The following SCN8A variants were observed in gnomAD, a reference collection of about 807,000 sequenced individuals.
SCN8A encodes the protein sodium channel protein type 8 subunit alpha.
Under a neutral mutation model 184.1 loss-of-function variants are expected in SCN8A, and 30 were observed. The ratio of observed to expected loss-of-function variants is 0.16; its 90% CI spans 0.12 to 0.22. The LOEUF (loss-of-function observed/expected upper bound fraction) is 0.22. SCN8A is among the 10% of genes least tolerant of loss of function. The probability of loss-of-function intolerance (pLI) is 1.00; values close to 1 mark genes in which losing one functional copy is unlikely to be tolerated. For synonymous variants in SCN8A, 852 were observed against 907.0 expected (o/e 0.94, Z 1.09); for missense variants, 1,057 against 2,498.9 (o/e 0.42, Z 12.30).
intron 1 of SCN8A, among the ~76,000 whole-genome samples, chr12:51,601,422 T>C (rs1248447667): frequency 6.6e-6 from 1 of 151,438 alleles, no homozygotes; most frequent in Non-Finnish European, 1.5e-5. Flanking sequence ...ATATGAATGT[T>C]TCACTTACCT....
intron 2 of SCN8A, among the ~76,000 whole-genome samples, chr12:51,682,546 T>C (rs1252059058): frequency 7.9e-5 from 12 of 152,158 alleles, no homozygotes; most frequent in South Asian, 2.1e-4. Context: ...TTTATTTACA[T>C]AGAAAATTTC....
intron 1 of SCN8A, among the ~76,000 whole-genome samples, chr12:51,633,171 T>C (rs1329379185): frequency 6.6e-6 from 1 of 152,238 alleles, no homozygotes; most frequent in African/African-American, 2.4e-5. Flanking sequence ...CCAAGAGATG[T>C]GGTGGATCAG....
intron 14 of SCN8A, among the ~76,000 whole-genome samples, chr12:51,751,991 G>A (rs1273293237): frequency 6.6e-6 from 1 of 152,082 alleles, no homozygotes; most frequent in African/African-American, 2.4e-5. Context: ...ACAAAATAGG[G>A]GAGCTCTTAT....
chr12:51,684,063 A>G, intron 2 of SCN8A, 111 bp from the exon 3 acceptor site: 1 of 711,978 alleles, frequency 1.4e-6, no homozygotes, highest in South Asian at 1.5e-5. Flanking sequence ...GTTGGGAAGT[A>G]AAAAGTATTA....
intron 1 of SCN8A, among the ~76,000 whole-genome samples, chr12:51,615,857 A>G (rs138151188): frequency 1.4e-4 from 22 of 152,224 alleles, no homozygotes; most frequent in African/African-American, 5.1e-4. Flanking sequence ...AGATAGGACT[A>G]TAGGTGCATG....
intron 2 of SCN8A, among the ~76,000 whole-genome samples, chr12:51,676,606 C>G (rs910051023): frequency 6.6e-6 from 1 of 152,110 alleles, no homozygotes; most frequent in Non-Finnish European, 1.5e-5. Context: ...GAATAAAGTA[C>G]ATATATTTTG....
At chr12:51,687,353 T>A in intron 5 of SCN8A, 134 bp downstream of exon 5, 1 of 951,618 alleles carries the variant, frequency 1.1e-6, no homozygotes, top group Non-Finnish European at 1.6e-6. Flanking sequence ...TGTAAGGCCC[T>A]GTGGGCTTAT....
chr12:51,680,088 A>C (rs1375885678), intron 2 of SCN8A, among the ~76,000 whole-genome samples: 2 of 152,118 alleles, frequency 1.3e-5, no homozygotes, highest in Non-Finnish European at 2.9e-5. Flanking sequence ...ATAATAAAAC[A>C]TGTTTTATTG....
intron 14 of SCN8A, among the ~76,000 whole-genome samples, chr12:51,755,224 C>T (rs1020204293): frequency 7.9e-5 from 12 of 152,194 alleles, no homozygotes; most frequent in Non-Finnish European, 1.2e-4. Flanking sequence ...CCATTTGAAA[C>T]GATTTAAATT....
Position 51,799,143 on chromosome 12 carries a change from G to A in SCN8A, c.4795+4502G>A, listed in dbSNP as rs114245714. Among the ~76,000 whole-genome samples, 210 of 152,244 alleles carry A rather than the reference G, an allele frequency of 1.4e-3. 1 individual carries two copies. The highest frequency in any genetic ancestry group is 4.7e-3 in the African/African-American group (195 of 41,544). On this transcript the variant is annotated intron_variant, in intron 26 of 26. Coordinates refer to ENST00000627620, the MANE Select transcript of SCN8A (RefSeq NM_001330260.2). ...TCTTCTTCTGTCAGTTGATCATAGC[G>A]AACTCCCCATGAGGCCATCTCTGCA...
In SCN8A at chr12:51,701,215, G is replaced by T; in HGVS notation, c.992+8G>T. ...GAACAGTTCTGATGCTGGGTAAGTA[G>T]CTCACCTAGTTTTATTCTCTTTCCT... On this transcript the variant is annotated splice_region_variant and intron_variant, in intron 8 of 26. Transcript: ENST00000627620. The T allele has an allele frequency of 2.5e-6, 4 of 1,581,544 alleles. No individual in the cohort carries two copies. The highest frequency in any genetic ancestry group is 3.4e-6 in the Non-Finnish European group (4 of 1,160,972).
chr12:51,639,152 T>C (rs891874474), intron 1 of SCN8A, among the ~76,000 whole-genome samples: 2 of 151,988 alleles, frequency 1.3e-5, no homozygotes, highest in African/African-American at 4.8e-5. Context: ...CTAATTTTTG[T>C]ATTTTTTTGT....
chr12:51,794,409 G>A lies in SCN8A; in HGVS notation c.4563G>A (p.Gln1521=), dbSNP rs1234397024. 1.1e-5 allele frequency: 17 copies of A among 1,613,244 alleles called. No individual in the cohort carries two copies. The highest frequency in any genetic ancestry group is 1.4e-5 in the Non-Finnish European group (17 of 1,179,440). ...GAATCGTCTTTGATTTTGTCACTCA[G>A]CAAGCCTTTGACATTGTTATCATGA... ...IQGIVFDFVT[Q]QAFDIVIMML... Residue 1521 remains glutamine, a synonymous_variant, in exon 26 of 27, where the codon CAG becomes CAA. Coordinates refer to ENST00000627620, the MANE Select transcript of SCN8A (RefSeq NM_001330260.2).
Position 51,807,735 on chromosome 12 carries a change from C to T in SCN8A, c.*306C>T, listed in dbSNP as rs534002233. 2.1e-4 allele frequency: 76 copies of T among 362,880 alleles called. No homozygotes were observed. The highest frequency in any genetic ancestry group is 1.7e-3 in the East Asian group (36 of 20,742). The allele number at this position is 362,880 out of a possible 1,614,324, so 22.5% of individuals were successfully genotyped here. ...GATACAGAAACAGAAGAGAGGCTGC[C>T]GGGACCAGCATATTTCCGTTGCAGC... On this transcript the variant is annotated 3_prime_UTR_variant, in exon 27 of 27. Transcript: ENST00000627620. The surrounding 1 kb of genome is among the most constrained non-coding windows in gnomAD (Gnocchi z 4.5).
At chr12:51,631,445 C>T (rs930200921) in intron 1 of SCN8A, among the ~76,000 whole-genome samples, 1 of 152,198 alleles carries the variant, frequency 6.6e-6, no homozygotes, top group Non-Finnish European at 1.5e-5. Context: ...TTTATTTATT[C>T]TTGTGGTCCA....
At chr12:51,794,235 T>C in intron 25 of SCN8A, 136 bp from the exon 26 acceptor site, 1 of 771,054 alleles carries the variant, frequency 1.3e-6, no homozygotes, top group Non-Finnish European at 2.1e-6. Flanking sequence ...TCCATGCTCC[T>C]GATAGAGCAG....
At position 51,762,990 on chromosome 12, in the gene SCN8A, C is replaced by A. The variant is rs546493249; in HGVS notation, c.2544+314C>A. On this transcript the variant is annotated intron_variant, in intron 15 of 26. Coordinates refer to ENST00000627620, the MANE Select transcript of SCN8A (RefSeq NM_001330260.2). ...AGACAATAGATGAAGAAAATGAACT[C>A]CCCCAAGGCCCAGTGTGAGGTCTAA... is the stretch of plus-strand genomic sequence containing the variant. Among the ~76,000 whole-genome samples the A allele has an allele frequency of 8.5e-5, 13 of 152,230 alleles. No homozygotes were observed. In the South Asian group the frequency reaches 2.5e-3, roughly 29 times the overall value.
chr12:51,655,371 CT>C (rs35700645), intron 1 of SCN8A, among the ~76,000 whole-genome samples: 102,596 of 142,052 alleles, frequency 0.72, 38,124 homozygotes, highest in East Asian at 0.84. Flanking sequence ...ATTTTAAGGT[CT>C]TTTTTTTTTT....
At chr12:51,671,815 A>G (rs1565881455) in intron 2 of SCN8A, among the ~76,000 whole-genome samples, 1 of 152,224 alleles carries the variant, frequency 6.6e-6, no homozygotes, top group Non-Finnish European at 1.5e-5. Context: ...TTGTCCCATC[A>G]TATGACAATT....
Sources: gnomAD v4.1 joint callset for allele counts (sites outside exome capture counted in the v4.1 genomes callset) on GRCh38, gnomAD v4.1.1 for gene constraint, Gnocchi (gnomAD v3.1) non-coding constraint, MANE v1.5 for transcripts, NCBI Gene and HGNC (gene_info 2026-07-23, HGNC 2026-07-21) for gene names.